Variants in RBFOX1 observed in about 807,000 individuals in gnomAD.
RBFOX1 encodes the protein RNA binding protein fox-1 homolog 1.
A neutral mutation model predicts 57.7 loss-of-function variants in RBFOX1; 8 were observed. The ratio of observed to expected loss-of-function variants is 0.14; its 90% CI spans 0.08 to 0.25. The LOEUF is 0.25. RBFOX1 is among the 10% of genes least tolerant of loss of function. The pLI is 1.00. For missense variants in RBFOX1, 611 were observed against 548.5 expected (o/e 1.11, Z -1.14); for synonymous variants, 326 against 222.4 (o/e 1.47, Z -4.15).
intron 2 of RBFOX1, among the ~76,000 whole-genome samples, chr16:6,369,742 C>T (rs1169255074): frequency 6.6e-6 from 1 of 152,194 alleles, no homozygotes; most frequent in Non-Finnish European, 1.5e-5. Context: ...TTTTAATACT[C>T]TTACCTATCT....
intron 4 of RBFOX1, chr16:7,332,918 C>A (rs191528660): frequency 6.3e-7 from 1 of 1,597,018 alleles, no homozygotes; most frequent in Non-Finnish European, 8.5e-7. Context: ...CTTTGTAGTT[C>A]GGAAGAAGTT....
intron 3 of RBFOX1, among the ~76,000 whole-genome samples, chr16:6,655,663 A>G (rs1391024416): frequency 6.6e-6 from 1 of 152,150 alleles, no homozygotes; most frequent in Non-Finnish European, 1.5e-5. Context: ...ATCCAAGAAG[A>G]TCAGATTTTA....
At chr16:5,421,847 A>G (rs1263930485) in intron 1 of RBFOX1, among the ~76,000 whole-genome samples, 1 of 152,212 alleles carries the variant, frequency 6.6e-6, no homozygotes, top group African/African-American at 2.4e-5. Context: ...GAGCAAATCC[A>G]GACGGCACCG....
chr16:6,934,839 A>C (rs1478340833), intron 3 of RBFOX1, among the ~76,000 whole-genome samples: 1 of 152,136 alleles, frequency 6.6e-6, no homozygotes, highest in Admixed American at 6.5e-5. Flanking sequence ...TAATCCCAGC[A>C]CTTTGGAAGG....
intron 13 of RBFOX1, among the ~76,000 whole-genome samples, chr16:7,673,045 G>A (rs2072077271): frequency 6.6e-6 from 1 of 151,942 alleles, no homozygotes; most frequent in Non-Finnish European, 1.5e-5. Flanking sequence ...CATAAAGGGA[G>A]CCTTTACCCC....
At chr16:6,463,688 C>CT (rs2094972379) in intron 2 of RBFOX1, among the ~76,000 whole-genome samples, 1 of 152,160 alleles carries the variant, frequency 6.6e-6, no homozygotes, top group African/African-American at 2.4e-5. Context: ...TCATTTAGCT[C>CT]TCTTACAGCC....
rs562655295 is a variant in RBFOX1, at chr16:6,832,403, T to C, written c.-16+177753T>C. Among the ~76,000 whole-genome samples the C allele has an allele frequency of 3.3e-5, 5 of 152,308 alleles. No homozygotes were observed. In the South Asian group the frequency reaches 1.0e-3, roughly 32 times the overall value. On this transcript the variant is annotated intron_variant, in intron 3 of 15. Transcript: ENST00000550418. Reference sequence around the variant, plus strand: ...ATGATTTCCCCAGATTGCTACTTAATAGTGACTGAGGGGTCTGCATTACTC... The same window carrying C: ...ATGATTTCCCCAGATTGCTACTTAACAGTGACTGAGGGGTCTGCATTACTC...
intron 3 of RBFOX1, among the ~76,000 whole-genome samples, chr16:6,913,392 C>G (rs1011933183): frequency 6.6e-6 from 1 of 152,124 alleles, no homozygotes; most frequent in Non-Finnish European, 1.5e-5. Flanking sequence ...CAGCTGCTGT[C>G]TCTTCCGGCA....
intron 3 of RBFOX1, among the ~76,000 whole-genome samples, chr16:6,811,860 G>T (rs1048924105): frequency 2.0e-5 from 3 of 152,176 alleles, no homozygotes; most frequent in African/African-American, 7.2e-5. Context: ...TTGCACTCGA[G>T]CCTGGGCAAC....
At chr16:5,903,239 A>G (rs2058353229) in intron 4 of RBFOX1, among the ~76,000 whole-genome samples, 1 of 152,038 alleles carries the variant, frequency 6.6e-6, no homozygotes, top group African/African-American at 2.4e-5. Flanking sequence ...CTGCCATAAT[A>G]TTCTCCACTC....
At chr16:7,635,810 A>G (rs1471350673) in intron 11 of RBFOX1, among the ~76,000 whole-genome samples, 1 of 151,672 alleles carries the variant, frequency 6.6e-6, no homozygotes, top group South Asian at 2.1e-4. Flanking sequence ...TATTTTATTT[A>G]TTTATTTTTT....
chr16:7,155,046 C>T (rs375871257), intron 4 of RBFOX1, among the ~76,000 whole-genome samples: 11 of 152,014 alleles, frequency 7.2e-5, no homozygotes, highest in Admixed American at 2.6e-4. Flanking sequence ...TTTTGTGTGG[C>T]GGAGGGCATC....
chr16:5,786,082 C>A (rs564440775), intron 3 of RBFOX1, among the ~76,000 whole-genome samples: 5 of 152,268 alleles, frequency 3.3e-5, no homozygotes, highest in Middle Eastern at 3.4e-3. Flanking sequence ...TTTGGATGAT[C>A]CAAAACCCTT....
At chr16:5,855,954 G>A (rs1271026162) in intron 3 of RBFOX1, among the ~76,000 whole-genome samples, 1 of 114,470 alleles carries the variant, frequency 8.7e-6, no homozygotes, top group Non-Finnish European at 1.9e-5. Context: ...CTTTGGTTAA[G>A]TTTATTCCTA....
chr16:6,786,829 G>C (rs183011252), intron 3 of RBFOX1, among the ~76,000 whole-genome samples: 2 of 152,110 alleles, frequency 1.3e-5, no homozygotes, highest in Non-Finnish European at 1.5e-5. Flanking sequence ...TTGACTAAAA[G>C]GGTAGGGAAT....
intron 3 of RBFOX1, among the ~76,000 whole-genome samples, chr16:6,900,722 C>T (rs111468905): frequency 7.9e-5 from 12 of 152,252 alleles, no homozygotes; most frequent in African/African-American, 2.2e-4. Flanking sequence ...TCCATGATGC[C>T]GTTCCTATCT....
At chr16:6,911,332 A>C (rs2071536031) in intron 3 of RBFOX1, among the ~76,000 whole-genome samples, 1 of 152,070 alleles carries the variant, frequency 6.6e-6, no homozygotes, top group Non-Finnish European at 1.5e-5. Flanking sequence ...ACACTTGTGG[A>C]GGCCAGAAGT....
rs72776827 is a variant in RBFOX1, at chr16:7,650,003, G to A, written c.758-3812G>A. 8.0e-5 allele frequency among the ~76,000 whole-genome samples: 12 copies of A among 149,572 alleles called. 1 individual carries two copies. Among genetic ancestry groups the A allele is most frequent in the African/African-American group, 1.5e-4 (6 of 40,328 alleles). On this transcript the variant is annotated intron_variant, in intron 11 of 15. Transcript: ENST00000550418. ...GAAGAGCGAGGGGAGAAAGGAAAAG[G>A]AGGAGGGAAGACAAAAGGAAGAAAG... is the stretch of plus-strand genomic sequence containing the variant.
chr16:6,673,691 C>G (rs7201902), intron 3 of RBFOX1, among the ~76,000 whole-genome samples: 18,262 of 152,120 alleles, frequency 0.12, 1,398 homozygotes, highest in African/African-American at 0.21. Flanking sequence ...ATGATGGGTT[C>G]TGTGACCCAT....
Sources: gnomAD v4.1 joint callset for allele counts (sites outside exome capture counted in the v4.1 genomes callset) on GRCh38, gnomAD v4.1.1 for gene constraint, MANE v1.5 for transcripts, NCBI Gene and HGNC (gene_info 2026-07-23, HGNC 2026-07-21) for gene names.